The following CSMD1 variants were observed in gnomAD, a reference collection of about 807,000 sequenced individuals.
CSMD1 encodes the protein CUB and sushi domain-containing protein 1.
In CSMD1, 213 loss-of-function variants were observed where a neutral mutation model predicts 417.5. The observed-to-expected ratio is 0.51, with a 90% confidence interval of 0.46 to 0.57. The LOEUF (loss-of-function observed/expected upper bound fraction) is 0.57. Among genes scored for constraint, CSMD1 ranks in the 20% least tolerant of loss-of-function variants. The pLI is 0.00. For missense variants in CSMD1, 6,923 were observed against 4,529.7 expected, an observed-to-expected ratio of 1.53 and a Z score of -15.17; for synonymous variants, 2,862 against 1,736.8, an observed-to-expected ratio of 1.65 and a Z score of -16.11.
chr8:4,662,465 G>A (rs1563091082), intron 1 of CSMD1, among the ~76,000 whole-genome samples: 1 of 152,128 alleles, frequency 6.6e-6, no homozygotes. Flanking sequence ...ATTTTCTCCA[G>A]TGAAGCACTT....
At chr8:3,534,427 G>C (rs980008440) in intron 10 of CSMD1, among the ~76,000 whole-genome samples, 2 of 150,870 alleles carry the variant, frequency 1.3e-5, no homozygotes, top group African/African-American at 2.4e-5. Flanking sequence ...CCTTTGTTTT[G>C]GGCAAAGTGC....
intron 4 of CSMD1, among the ~76,000 whole-genome samples, chr8:4,025,680 C>A (rs1049094079): frequency 6.6e-6 from 1 of 152,018 alleles, no homozygotes. Flanking sequence ...TTGAAAGACT[C>A]AAGAATAACG....
intron 12 of CSMD1, among the ~76,000 whole-genome samples, chr8:3,464,311 T>G (rs1160273299): frequency 6.6e-6 from 1 of 152,148 alleles, no homozygotes; most frequent in Non-Finnish European, 1.5e-5. Context: ...TGTAATTGCT[T>G]ATAAAAATAT....
At chr8:4,213,427 A>T (rs1403261338) in intron 3 of CSMD1, among the ~76,000 whole-genome samples, 8 of 152,146 alleles carry the variant, frequency 5.3e-5, no homozygotes, top group Non-Finnish European at 1.2e-4. Context: ...TGCTTATGGT[A>T]ATAGCTAATA....
intron 2 of CSMD1, among the ~76,000 whole-genome samples, chr8:4,556,204 G>C (rs1393550962): frequency 2.0e-5 from 3 of 152,050 alleles, no homozygotes; most frequent in South Asian, 2.1e-4. Flanking sequence ...TTTTATTATG[G>C]GGATACTTTA....
chr8:4,240,807 CTATTTTTT>C (rs1444966305), intron 3 of CSMD1, among the ~76,000 whole-genome samples: 2 of 152,054 alleles, frequency 1.3e-5, no homozygotes, highest in African/African-American at 4.8e-5. Context: ...TCCATACTAT[CTATTTTTT>C]TATTTGGTGT....
chr8:3,596,904 G>A (rs535081467), intron 8 of CSMD1, among the ~76,000 whole-genome samples: 20 of 152,230 alleles, frequency 1.3e-4, no homozygotes, highest in African/African-American at 3.9e-4. Context: ...CAATGCAAGC[G>A]CTCAGCAAAC....
intron 2 of CSMD1, among the ~76,000 whole-genome samples, chr8:4,627,847 C>G (rs17070883): frequency 6.6e-6 from 1 of 152,030 alleles, no homozygotes; most frequent in African/African-American, 2.4e-5. Flanking sequence ...TGCTATAAAT[C>G]AAAGGTTTTC....
intron 3 of CSMD1, among the ~76,000 whole-genome samples, chr8:4,206,684 C>A (rs1800001254): frequency 6.6e-6 from 1 of 152,120 alleles, no homozygotes; most frequent in South Asian, 2.1e-4. Flanking sequence ...ATCTAAAATC[C>A]TTTGGGTATA....
At chr8:3,568,414 CAAAGAA>C (rs1563161863) in intron 10 of CSMD1, among the ~76,000 whole-genome samples, 1 of 151,924 alleles carries the variant, frequency 6.6e-6, no homozygotes, top group Admixed American at 6.6e-5. Context: ...AAGCTGGAAA[CAAAGAA>C]AAAGAAAACT....
chr8:4,582,394 T>G (rs369957736), intron 2 of CSMD1, among the ~76,000 whole-genome samples: 3 of 152,268 alleles, frequency 2.0e-5, no homozygotes, highest in South Asian at 4.1e-4. Flanking sequence ...AAGGAGAGAT[T>G]ATCAGGGCTG....
rs187820448 is a variant in CSMD1 at position 4,793,500 on chromosome 8, G to A, written c.86-155942C>T. ...CACCATCTCCCACGCCATCTCCCTG[G>A]TTCCCAGACACCTACACCAGGGCAC... On this transcript the variant is annotated intron_variant, in intron 1 of 69. Coordinates refer to ENST00000635120, the MANE Select transcript of CSMD1 (RefSeq NM_033225.6). Among the ~76,000 whole-genome samples the A allele has an allele frequency of 8.6e-3, 1,297 of 151,686 alleles. 7 individuals are homozygous for A. The highest frequency in any genetic ancestry group is 0.013 in the Non-Finnish European group (870 of 67,942).
At chr8:4,361,393 A>G (rs201928229) in intron 3 of CSMD1, among the ~76,000 whole-genome samples, 1 of 64,384 alleles carries the variant, frequency 1.6e-5, no homozygotes, top group East Asian at 3.7e-4. Flanking sequence ...ATGAAGGGCT[A>G]ACTGTGTCTC....
At chr8:4,510,867 T>C (rs1324479110) in intron 2 of CSMD1, among the ~76,000 whole-genome samples, 1 of 127,244 alleles carries the variant, frequency 7.9e-6, no homozygotes, top group Non-Finnish European at 1.6e-5. Context: ...TTCCCTTCCC[T>C]TCCTTCCTTC....
chr8:4,188,605 A>C (rs1211414822), intron 3 of CSMD1, among the ~76,000 whole-genome samples: 2 of 152,186 alleles, frequency 1.3e-5, no homozygotes, highest in East Asian at 1.9e-4. Context: ...CTGCAAGCTT[A>C]AGATTCTGTG....
intron 54 of CSMD1, among the ~76,000 whole-genome samples, chr8:2,987,947 T>C (rs1270503340): frequency 2.0e-5 from 3 of 151,518 alleles, no homozygotes; most frequent in Non-Finnish European, 2.9e-5. Flanking sequence ...GTTCCATAGG[T>C]AAATGTGTAC....
intron 1 of CSMD1, among the ~76,000 whole-genome samples, chr8:4,972,246 T>G (rs1302409726): frequency 4.0e-5 from 6 of 151,134 alleles, no homozygotes; most frequent in Non-Finnish European, 8.8e-5. Context: ...CACAAAACCA[T>G]GGAATGGGAC....
At position 3,965,025 on chromosome 8, in the gene CSMD1, T is replaced by G. The variant is rs542650672; in HGVS notation, c.818+32878A>C. Among the ~76,000 whole-genome samples, 4 of 152,334 alleles carry G rather than the reference T, an allele frequency of 2.6e-5. No individual in the cohort carries two copies. The East Asian group carries it at 7.7e-4, about 29-fold the overall frequency. On this transcript the variant is annotated intron_variant, in intron 5 of 69. Transcript: ENST00000635120. ...TTTCTGTGTATAAAGTAGGTGATAG[T>G]TTCTACACAATGTGCTTGTAAATAT...
chr8:4,300,061 C>T (rs1368034478), intron 3 of CSMD1, among the ~76,000 whole-genome samples: 1 of 152,214 alleles, frequency 6.6e-6, no homozygotes, highest in Non-Finnish European at 1.5e-5. Context: ...ACTTCTCATA[C>T]ATGTCAGAAC....
Sources: allele counts gnomAD v4.1 joint callset (sites outside exome capture counted in the v4.1 genomes callset), GRCh38; gene constraint gnomAD v4.1.1; transcripts MANE v1.5; gene names NCBI Gene and HGNC (gene_info 2026-07-23, HGNC 2026-07-21).